GAN: variants seen among roughly 807,000 people sequenced by gnomAD.
GAN encodes the protein gigaxonin.
In GAN, 48 loss-of-function variants were observed where a neutral mutation model predicts 71.3. The ratio of observed to expected loss-of-function variants is 0.67; its 90% CI spans 0.53 to 0.86. The LOEUF (loss-of-function observed/expected upper bound fraction) is 0.86. Among genes scored for constraint, GAN ranks in the 40% least tolerant of loss-of-function variants. The pLI is 0.00. For synonymous variants in GAN, 386 were observed against 276.8 expected (o/e 1.39, Z -3.92); for missense variants, 928 against 770.1 (o/e 1.21, Z -2.43).
At chr16:81,335,391 C>T (rs1384272649) in intron 1 of GAN, among the ~76,000 whole-genome samples, 1 of 152,008 alleles carries the variant, frequency 6.6e-6, no homozygotes, top group African/African-American at 2.4e-5. Context: ...CCGAGGCGGG[C>T]ATATCACTTG....
At position 81,363,947 on chromosome 16, in the gene GAN, A is replaced by C. The variant is rs1477066702; in HGVS notation, c.1236+4A>C. The C allele has an allele frequency of 6.2e-7, 1 of 1,610,512 alleles. No homozygotes were observed. Among genetic ancestry groups the C allele is most frequent in the South Asian group, 1.1e-5 (1 of 90,998 alleles). On this transcript the variant is annotated splice_donor_region_variant and intron_variant, in intron 7 of 10. Coordinates refer to ENST00000648994, the MANE Select transcript of GAN (RefSeq NM_022041.4). ...TGATTTGACCATGGTCAGAAAGGTG[A>C]GGACTGCATTTTGTGATAACTAGTC...
intron 1 of GAN, among the ~76,000 whole-genome samples, chr16:81,327,436 T>C (rs1348408340): frequency 6.6e-6 from 1 of 152,136 alleles, no homozygotes; most frequent in Non-Finnish European, 1.5e-5. Context: ...AGTTTTTGTT[T>C]CCCCTACTCC....
At chr16:81,346,318 C>A (rs145100725) in intron 1 of GAN, among the ~76,000 whole-genome samples, 2 of 152,180 alleles carry the variant, frequency 1.3e-5, no homozygotes, top group Non-Finnish European at 2.9e-5. Context: ...TTAGGACACA[C>A]CCATGGCTCA....
intron 9 of GAN, among the ~76,000 whole-genome samples, chr16:81,373,162 T>C (rs1265279851): frequency 6.6e-6 from 1 of 152,220 alleles, no homozygotes; most frequent in African/African-American, 2.4e-5. Context: ...CAGGAAATAA[T>C]TGTACATTTC....
At chr16:81,315,594 C>T (rs1158197322) in intron 1 of GAN, among the ~76,000 whole-genome samples, 2 of 152,192 alleles carry the variant, frequency 1.3e-5, no homozygotes, top group Non-Finnish European at 2.9e-5. Context: ...GAGCGCCCGA[C>T]CTCGGAGACC....
rs1036265557 is a variant in GAN at position 81,377,637 on chromosome 16, A to C, written c.*41A>C. The C allele has an allele frequency of 2.6e-6, 4 of 1,551,064 alleles. No homozygotes were observed. The highest frequency in any genetic ancestry group is 2.7e-6 in the Non-Finnish European group (3 of 1,123,054). ...GAGTGCGAGATCCTGACCCAAGAGC[A>C]CCATAACATAGCTCCGAAAGGGAGA... On this transcript the variant is annotated 3_prime_UTR_variant, in exon 11 of 11. Transcript: ENST00000648994.
At chr16:81,326,493 A>G (rs1909393707) in intron 1 of GAN, among the ~76,000 whole-genome samples, 1 of 152,224 alleles carries the variant, frequency 6.6e-6, no homozygotes, top group African/African-American at 2.4e-5. Flanking sequence ...AGATCGCGCC[A>G]TTGCGCTCTA....
At chr16:81,368,981 A>G (rs1363055078) in intron 9 of GAN, among the ~76,000 whole-genome samples, 1 of 152,198 alleles carries the variant, frequency 6.6e-6, no homozygotes, top group South Asian at 2.1e-4. Flanking sequence ...GTTAAGAAAA[A>G]GTTTCACCCT....
chr16:81,373,980 A>G (rs1335077780), intron 9 of GAN, among the ~76,000 whole-genome samples: 2 of 152,152 alleles, frequency 1.3e-5, no homozygotes, highest in Non-Finnish European at 2.9e-5. Flanking sequence ...TGACTTCGTG[A>G]TCCACCCGCC....
chr16:81,335,383 G>A (rs1018142600), intron 1 of GAN, among the ~76,000 whole-genome samples: 4 of 152,038 alleles, frequency 2.6e-5, no homozygotes, highest in Non-Finnish European at 4.4e-5. Flanking sequence ...TTTGGAGGCC[G>A]AGGCGGGCAT....
intron 1 of GAN, among the ~76,000 whole-genome samples, chr16:81,330,677 C>A (rs887369155): frequency 2.6e-5 from 4 of 152,084 alleles, no homozygotes; most frequent in Non-Finnish European, 1.5e-5. Flanking sequence ...CTGATGGCTA[C>A]AAAAAGGGTG....
intron 1 of GAN, among the ~76,000 whole-genome samples, chr16:81,338,980 C>G (rs1252014428): frequency 1.3e-5 from 2 of 152,148 alleles, no homozygotes; most frequent in Admixed American, 6.5e-5. Context: ...CATAGAAGCT[C>G]AAGAGTTTAG....
intron 1 of GAN, among the ~76,000 whole-genome samples, chr16:81,347,448 C>T (rs555556304): frequency 2.0e-5 from 3 of 152,312 alleles, no homozygotes; most frequent in African/African-American, 7.2e-5. Context: ...CATTCTTCAC[C>T]ATTATTGTGC....
At chr16:81,337,818 A>G (rs535871905) in intron 1 of GAN, among the ~76,000 whole-genome samples, 40 of 152,322 alleles carry the variant, frequency 2.6e-4, no homozygotes, top group African/African-American at 9.4e-4. Flanking sequence ...AATTTTTTAA[A>G]AAGTTTGGCC....
chr16:81,317,805 C>G (rs1408436936), intron 1 of GAN, among the ~76,000 whole-genome samples: 1 of 152,186 alleles, frequency 6.6e-6, no homozygotes, highest in East Asian at 1.9e-4. Context: ...GTTTATCAAG[C>G]ACTTTTACAT....
intron 9 of GAN, among the ~76,000 whole-genome samples, chr16:81,367,471 G>A (rs991721351): frequency 3.9e-5 from 6 of 152,310 alleles, no homozygotes; most frequent in South Asian, 2.1e-4. Context: ...GGAGTGTGCA[G>A]TGAGCCGAGA....
chr16:81,331,231 G>A (rs111797352), intron 1 of GAN, among the ~76,000 whole-genome samples: 1 of 152,120 alleles, frequency 6.6e-6, no homozygotes, highest in Non-Finnish European at 1.5e-5. Flanking sequence ...TCCAAGTTGA[G>A]GAACGAGATG....
At position 81,379,361 on chromosome 16, in the gene GAN, A is replaced by C. The variant is rs1343467573; in HGVS notation, c.*1765A>C. On this transcript the variant is annotated 3_prime_UTR_variant, in exon 11 of 11. Transcript: ENST00000648994. ...GTGTGGTACATTAACTCTCCATTTT[A>C]GCCAGAAGATACCTGATAAGAGAAG... 6.6e-6 allele frequency: 1 copy of C among 152,198 alleles called. No homozygotes were observed. Among genetic ancestry groups the C allele is most frequent in the Non-Finnish European group, 1.5e-5 (1 of 68,034 alleles). The allele number at this position is 152,198 out of a possible 1,614,324, so 9.4% of individuals were successfully genotyped here.
intron 1 of GAN, among the ~76,000 whole-genome samples, chr16:81,348,103 G>T (rs971333582): frequency 2.2e-4 from 33 of 152,162 alleles, no homozygotes; most frequent in Admixed American, 2.0e-3. Context: ...TCCTTCCAAA[G>T]TGCTGGGGTT....
Sources: gnomAD v4.1 joint callset for allele counts (sites outside exome capture counted in the v4.1 genomes callset) on GRCh38, gnomAD v4.1.1 for gene constraint, MANE v1.5 for transcripts, NCBI Gene and HGNC (gene_info 2026-07-23, HGNC 2026-07-21) for gene names.